The following IMMP2L variants were observed in gnomAD, a reference collection of about 807,000 sequenced individuals.
IMMP2L encodes the protein inner mitochondrial membrane peptidase subunit 2, also known as mitochondrial inner membrane protease subunit 2.
In IMMP2L, 18 loss-of-function variants were observed where a neutral mutation model predicts 19.3. That is an observed-to-expected ratio of 0.93 (90% CI 0.64 to 1.38). The LOEUF is 1.38. Among genes scored for constraint, IMMP2L ranks in the 40% most tolerant of loss-of-function variants. The probability of loss-of-function intolerance (pLI) is 0.00; values close to 1 mark genes in which losing one functional copy is unlikely to be tolerated. For missense variants in IMMP2L, 233 were observed against 218.2 expected, an observed-to-expected ratio of 1.07 and a Z score of -0.43; for synonymous variants, 76 against 73.0, an observed-to-expected ratio of 1.04 and a Z score of -0.21.
intron 5 of IMMP2L, among the ~76,000 whole-genome samples, chr7:110,738,941 G>T (rs915378407): frequency 7.2e-5 from 11 of 152,116 alleles, no homozygotes; most frequent in Admixed American, 7.2e-4. Context: ...TTATCGCCAA[G>T]AATTTTGTAT....
chr7:111,030,884 GTATATATATATATATATATATATATATA>G (rs57774530), intron 3 of IMMP2L, among the ~76,000 whole-genome samples: 2 of 127,142 alleles, frequency 1.6e-5, no homozygotes, highest in Non-Finnish European at 1.6e-5. Context: ...GTGTGTGTGT[GTATATATATATATATATATATATATATA>G]TATATATATA....
intron 3 of IMMP2L, among the ~76,000 whole-genome samples, chr7:111,024,769 A>G (rs934656167): frequency 6.6e-6 from 1 of 152,146 alleles, no homozygotes; most frequent in African/African-American, 2.4e-5. Flanking sequence ...TAATCCATAA[A>G]CAACTTTAGC....
intron 3 of IMMP2L, among the ~76,000 whole-genome samples, chr7:111,147,945 G>A (rs1051741470): frequency 1.3e-5 from 2 of 152,072 alleles, no homozygotes; most frequent in Non-Finnish European, 2.9e-5. Context: ...AAACAGTTTG[G>A]TAGTTCCTGA....
chr7:110,941,874 T>A (rs1417455440), intron 4 of IMMP2L, among the ~76,000 whole-genome samples: 1 of 150,794 alleles, frequency 6.6e-6, no homozygotes, highest in East Asian at 2.0e-4. Context: ...GGCTTTTTTG[T>A]TCTTCCTCCA....
At chr7:111,299,801 T>TACACATAGAATTTATTGTCTAGCC (rs1822029362) in intron 3 of IMMP2L, among the ~76,000 whole-genome samples, 1 of 152,074 alleles carries the variant, frequency 6.6e-6, no homozygotes, top group Non-Finnish European at 1.5e-5. Context: ...ATGGTCTGTT[T>TACACATAGAATTTATTGTCTAGCC]ACACATAGAA....
At chr7:111,076,878 A>C (rs1260265418) in intron 3 of IMMP2L, among the ~76,000 whole-genome samples, 1 of 152,160 alleles carries the variant, frequency 6.6e-6, no homozygotes, top group Non-Finnish European at 1.5e-5. Flanking sequence ...CTCCCTAAAA[A>C]TCCTCAGGGC....
chr7:110,813,042 C>T (rs962331315), intron 5 of IMMP2L, among the ~76,000 whole-genome samples: 1 of 151,968 alleles, frequency 6.6e-6, no homozygotes, highest in Non-Finnish European at 1.5e-5. Flanking sequence ...ATTAGAGTTA[C>T]GAGGAATCAC....
intron 5 of IMMP2L, among the ~76,000 whole-genome samples, chr7:110,815,056 A>C (rs1046412931): frequency 4.6e-5 from 7 of 151,820 alleles, no homozygotes; most frequent in Non-Finnish European, 8.8e-5. Flanking sequence ...TATAATAAAT[A>C]AGTTCTTCCA....
chr7:111,316,936 G>A (rs561504425), intron 3 of IMMP2L, among the ~76,000 whole-genome samples: 4 of 130,556 alleles, frequency 3.1e-5, no homozygotes, highest in South Asian at 2.7e-4. Flanking sequence ...TGCAAGCTCC[G>A]CCTCCCGAGT....
At chr7:111,306,309 T>A (rs1822861958) in intron 3 of IMMP2L, among the ~76,000 whole-genome samples, 1 of 152,028 alleles carries the variant, frequency 6.6e-6, no homozygotes, top group South Asian at 2.1e-4. Flanking sequence ...AATGTGAAAT[T>A]TGGGTGATGA....
At chr7:111,300,278 C>T (rs1402704255) in intron 3 of IMMP2L, among the ~76,000 whole-genome samples, 2 of 152,144 alleles carry the variant, frequency 1.3e-5, no homozygotes, top group African/African-American at 4.8e-5. Flanking sequence ...GAAGATCTTT[C>T]TAAAAGTACA....
In IMMP2L at chr7:110,870,107, G is replaced by A. The variant is rs952300073; in HGVS notation, c.408+16486C>T. On this transcript the variant is annotated intron_variant, in intron 5 of 5. Coordinates refer to ENST00000405709, the MANE Select transcript of IMMP2L (RefSeq NM_032549.4). This position sits in a 1 kb window ranked among gnomAD's most constrained non-coding sequence, Gnocchi z 4.2. ...TCTGCCTAAAGGAAACTTTTTATTT[G>A]GTCCTGTTTCTCCTTGTTCTGTTTG... Among the ~76,000 whole-genome samples, 61 of 151,984 alleles carry A rather than the reference G, an allele frequency of 4.0e-4. No individual in the cohort carries two copies. Among genetic ancestry groups the A allele is most frequent in the Non-Finnish European group, 7.6e-4 (52 of 67,982 alleles).
chr7:110,906,817 A>C (rs1812505433), intron 4 of IMMP2L, among the ~76,000 whole-genome samples: 1 of 152,160 alleles, frequency 6.6e-6, no homozygotes, highest in African/African-American at 2.4e-5. Context: ...ATAAACACTC[A>C]ATTAATGTCA....
chr7:111,093,633 A>G (rs931658610), intron 3 of IMMP2L, among the ~76,000 whole-genome samples: 3 of 152,158 alleles, frequency 2.0e-5, no homozygotes, highest in African/African-American at 7.2e-5. Flanking sequence ...GCTCACATAC[A>G]TATTTTGTGG....
chr7:111,127,659 A>T (rs1167036065), intron 3 of IMMP2L, among the ~76,000 whole-genome samples: 1 of 152,146 alleles, frequency 6.6e-6, no homozygotes, highest in African/African-American at 2.4e-5. Context: ...CATTGGTCAA[A>T]GTACTCAAAC....
chr7:110,806,406 C>T (rs745731278), intron 5 of IMMP2L, among the ~76,000 whole-genome samples: 1 of 151,782 alleles, frequency 6.6e-6, no homozygotes, highest in African/African-American at 2.4e-5. Flanking sequence ...AAGTAAAGGG[C>T]TATTGAAGGA....
chr7:111,482,769 C>T (rs1842302290), intron 3 of IMMP2L, among the ~76,000 whole-genome samples: 1 of 152,144 alleles, frequency 6.6e-6, no homozygotes, highest in Non-Finnish European at 1.5e-5. Context: ...CTCACTGCTG[C>T]AGCTTCCTCA....
Position 111,014,341 on chromosome 7 carries a change from T to C in IMMP2L, c.240-50776A>G, listed in dbSNP as rs549515850. On this transcript the variant is annotated intron_variant, in intron 3 of 5. Coordinates refer to ENST00000405709, the MANE Select transcript of IMMP2L (RefSeq NM_032549.4). The stretch of plus-strand genomic sequence containing the variant: ...TTGCACTCCAGCTTTGGCAGGAGAG[T>C]GAGACTCTGTGTCAAAAGAAAAAAA... 2.6e-5 allele frequency among the ~76,000 whole-genome samples: 4 copies of C among 151,424 alleles called. No homozygotes were observed. The East Asian group carries it at 7.8e-4, about 30-fold the overall frequency.
intron 1 of IMMP2L, among the ~76,000 whole-genome samples, chr7:111,526,317 T>C (rs1159231591): frequency 1.3e-5 from 2 of 152,184 alleles, no homozygotes; most frequent in Non-Finnish European, 2.9e-5. Context: ...ATATTTATAT[T>C]GTTTTAATTG....
Sources: allele counts gnomAD v4.1 joint callset (sites outside exome capture counted in the v4.1 genomes callset), GRCh38; gene constraint gnomAD v4.1.1; non-coding constraint Gnocchi (gnomAD v3.1); transcripts MANE v1.5; gene names NCBI Gene and HGNC (gene_info 2026-07-23, HGNC 2026-07-21).